The following MYT1L variants were observed in gnomAD, a reference collection of about 807,000 sequenced individuals.
The protein encoded by MYT1L is myelin transcription factor 1-like protein.
MYT1L carries 12 observed loss-of-function variants against 126.7 expected under a neutral mutation model. That is an observed-to-expected ratio of 0.09 (90% CI 0.06 to 0.15). The LOEUF is 0.15. MYT1L is among the 10% of genes least tolerant of loss of function. The pLI is 1.00. For missense variants in MYT1L, 979 were observed against 1,585.2 expected (o/e 0.62, Z 6.49); for synonymous variants, 541 against 604.2 (o/e 0.90, Z 1.53).
rs557503917 is a variant in MYT1L at position 2,169,581 on chromosome 2, G to C, written c.-304+3291C>G. ...GGTGGCATACAGTCCCCTGCAACCGGAAATCGTTCTCTTTTGTGTTTGGTA... is the reference window on the plus strand; with the variant it reads ...GGTGGCATACAGTCCCCTGCAACCGCAAATCGTTCTCTTTTGTGTTTGGTA... On this transcript the variant is annotated intron_variant, in intron 3 of 24. Transcript: ENST00000647738. Among the ~76,000 whole-genome samples, 8 of 152,280 alleles carry C rather than the reference G, an allele frequency of 5.3e-5. No individual in the cohort carries two copies. The East Asian group carries it at 1.5e-3, about 29-fold the overall frequency.
chr2:2,112,663 G>T lies in MYT1L; in HGVS notation c.-303-58540C>A, dbSNP rs143278279. On this transcript the variant is annotated intron_variant, in intron 3 of 24. Coordinates refer to ENST00000647738, the MANE Select transcript of MYT1L (RefSeq NM_001303052.2). ...TTTTTATCAGCACTCAGGCAACACT[G>T]ACGCTGATGACCCCGGACCACACTG... Among the ~76,000 whole-genome samples, 23 of 152,268 alleles carry T rather than the reference G, an allele frequency of 1.5e-4. No individual in the cohort carries two copies. In the East Asian group the frequency reaches 4.3e-3, roughly 28 times the overall value.
rs182277499 is a variant in MYT1L at position 1,805,293 on chromosome 2, C to A, written c.3173-3494G>T. Among the ~76,000 whole-genome samples, 7 of 152,350 alleles carry A rather than the reference C, an allele frequency of 4.6e-5. No individual in the cohort carries two copies. The East Asian group carries it at 1.3e-3, about 29-fold the overall frequency. On this transcript the variant is annotated intron_variant, in intron 22 of 24. Coordinates refer to ENST00000647738, the MANE Select transcript of MYT1L (RefSeq NM_001303052.2). ...AATGCTCAAGAGAAAGCGCTAAAAT[C>A]CAGTGCCAGGGTCCTTCTTGGCCGA...
At chr2:2,105,375 G>T (rs1279133132) in intron 3 of MYT1L, among the ~76,000 whole-genome samples, 1 of 152,148 alleles carries the variant, frequency 6.6e-6, no homozygotes, top group African/African-American at 2.4e-5. Flanking sequence ...CATGAGAAGG[G>T]TATAATACAT....
intron 4 of MYT1L, among the ~76,000 whole-genome samples, chr2:2,004,023 C>CTTCTTTCCTGCATGCA (rs1240998438): frequency 1.5e-3 from 209 of 135,254 alleles, no homozygotes; most frequent in East Asian, 4.2e-3. Context: ...TCCTGCATGC[C>CTTCTTTCCTGCATGCA]TTCTTTCCTG....
intron 23 of MYT1L, among the ~76,000 whole-genome samples, chr2:1,798,925 T>C (rs780288312): frequency 2.0e-5 from 3 of 152,162 alleles, no homozygotes; most frequent in Non-Finnish European, 4.4e-5. Flanking sequence ...TTGCTCCAGA[T>C]CTAACCTGTT....
chr2:1,926,007 A>C (rs2054180209), intron 9 of MYT1L, among the ~76,000 whole-genome samples: 1 of 152,154 alleles, frequency 6.6e-6, no homozygotes, highest in Non-Finnish European at 1.5e-5. Flanking sequence ...TGGTAGAAGA[A>C]ATCTGGAAAC....
intron 4 of MYT1L, among the ~76,000 whole-genome samples, chr2:1,997,635 C>T (rs975656725): frequency 1.3e-5 from 2 of 152,210 alleles, no homozygotes; most frequent in African/African-American, 4.8e-5. Context: ...CTGTGCTCTG[C>T]CTGATATGGT....
intron 2 of MYT1L, among the ~76,000 whole-genome samples, chr2:2,259,560 A>C (rs1008476974): frequency 1.3e-5 from 2 of 152,000 alleles, no homozygotes; most frequent in African/African-American, 4.8e-5. Flanking sequence ...AAAAGAGCTG[A>C]AAAAAAATCA....
chr2:2,285,990 T>A (rs191271968), intron 1 of MYT1L, among the ~76,000 whole-genome samples: 3 of 92,656 alleles, frequency 3.2e-5, no homozygotes, highest in African/African-American at 8.2e-5. Flanking sequence ...TTCTTCTTCC[T>A]TTTTTTTTGT....
At chr2:2,013,102 G>A (rs964137026) in intron 4 of MYT1L, among the ~76,000 whole-genome samples, 2 of 152,190 alleles carry the variant, frequency 1.3e-5, no homozygotes, top group African/African-American at 2.4e-5. Flanking sequence ...ACCCACTGAA[G>A]TGTACACTTC....
intron 4 of MYT1L, among the ~76,000 whole-genome samples, chr2:2,015,771 G>A (rs1180133202): frequency 6.6e-6 from 1 of 152,172 alleles, no homozygotes; most frequent in Non-Finnish European, 1.5e-5. Context: ...TCCAGGACAG[G>A]TTCTGTCTCA....
chr2:2,194,319 A>G (rs1014037149), intron 2 of MYT1L, among the ~76,000 whole-genome samples: 3 of 151,596 alleles, frequency 2.0e-5, no homozygotes, highest in African/African-American at 7.3e-5. Context: ...GGCTCAAGCA[A>G]CCTCCCAAAA....
chr2:1,984,058 G>A (rs959305151), intron 5 of MYT1L, among the ~76,000 whole-genome samples: 3 of 152,108 alleles, frequency 2.0e-5, no homozygotes, highest in Admixed American at 6.5e-5. Context: ...AAGCTGTCAG[G>A]AGTGATTCAT....
chr2:2,142,373 T>C (rs1575455948), intron 3 of MYT1L, among the ~76,000 whole-genome samples: 1 of 152,324 alleles, frequency 6.6e-6, no homozygotes, highest in East Asian at 1.9e-4. Flanking sequence ...ATATCCCACA[T>C]GTCCTATGCA....
intron 2 of MYT1L, among the ~76,000 whole-genome samples, chr2:2,252,974 T>A (rs185044658): frequency 1.2e-3 from 179 of 151,946 alleles, no homozygotes; most frequent in East Asian, 5.8e-3. Context: ...AAATTTTTTT[T>A]AAAAAAATAA....
chr2:1,840,632 G>C (rs923860702), intron 20 of MYT1L, 128 bp downstream of exon 20: 2 of 702,906 alleles, frequency 2.8e-6, no homozygotes, highest in African/African-American at 1.8e-5. Flanking sequence ...TGCATTTGTG[G>C]AAATCTCAAA....
intron 3 of MYT1L, among the ~76,000 whole-genome samples, chr2:2,085,534 A>T (rs1173658240): frequency 6.6e-6 from 1 of 151,776 alleles, no homozygotes; most frequent in Non-Finnish European, 1.5e-5. Context: ...CCTGTGGGAT[A>T]CCTCCCAAAG....
intron 2 of MYT1L, among the ~76,000 whole-genome samples, chr2:2,223,522 TTGG>T (rs1004971866): frequency 2.0e-4 from 30 of 152,366 alleles, no homozygotes; most frequent in Middle Eastern, 3.4e-3. Context: ...TAATTCTTGA[TTGG>T]TTCTGTACTG....
intron 9 of MYT1L, among the ~76,000 whole-genome samples, chr2:1,933,021 T>C (rs2149189406): frequency 6.6e-6 from 1 of 152,240 alleles, no homozygotes; most frequent in African/African-American, 2.4e-5. Flanking sequence ...GGAGGCTCCC[T>C]GGAGGCTCAC....
Sources: gnomAD v4.1 joint callset for allele counts (sites outside exome capture counted in the v4.1 genomes callset) on GRCh38, gnomAD v4.1.1 for gene constraint, MANE v1.5 for transcripts, NCBI Gene and HGNC (gene_info 2026-07-23, HGNC 2026-07-21) for gene names.